CHD9: variants seen among roughly 807,000 people sequenced by gnomAD.
The protein encoded by CHD9 is chromodomain helicase DNA binding protein 9.
A neutral mutation model predicts 316.1 loss-of-function variants in CHD9; 77 were observed. The observed-to-expected ratio is 0.24, with a 90% CI of 0.20 to 0.29. The LOEUF (loss-of-function observed/expected upper bound fraction) is 0.29. Among genes scored for constraint, CHD9 ranks in the 10% least tolerant of loss-of-function variants. The probability of loss-of-function intolerance (pLI) is 1.00; values close to 1 mark genes in which losing one functional copy is unlikely to be tolerated. For synonymous variants in CHD9, 1,129 were observed against 1,158.3 expected (o/e 0.97, Z 0.51); for missense variants, 2,763 against 3,438.1 (o/e 0.80, Z 4.91).
At chr16:53,065,039 G>T (rs2033365013) in intron 1 of CHD9, among the ~76,000 whole-genome samples, 1 of 151,860 alleles carries the variant, frequency 6.6e-6, no homozygotes, top group African/African-American at 2.4e-5. Flanking sequence ...AAGGGGAGAA[G>T]CAACTGCAAA....
chr16:53,117,254 A>C lies in CHD9; in HGVS notation c.-164-38672A>C, dbSNP rs898855929. ...AAAATTTTTAAAAAAATTAAAAAAA[A>C]ATTTAGGAAGTCCTGTATGACACCA... On this transcript the variant is annotated intron_variant, in intron 1 of 38. Coordinates refer to ENST00000447540, the MANE Select transcript of CHD9 (RefSeq NM_001308319.2). Among the ~76,000 whole-genome samples, 9 of 152,306 alleles carry C rather than the reference A, an allele frequency of 5.9e-5. No individual in the cohort carries two copies. The South Asian group carries it at 1.2e-3, about 21-fold the overall frequency.
At chr16:53,184,524 T>C (rs1028611060) in intron 2 of CHD9, among the ~76,000 whole-genome samples, 5 of 152,018 alleles carry the variant, frequency 3.3e-5, no homozygotes, top group African/African-American at 1.2e-4. Flanking sequence ...TGTTTTTGTT[T>C]TGTAGACATG....
intron 2 of CHD9, among the ~76,000 whole-genome samples, chr16:53,184,296 A>G (rs1160459762): frequency 9.2e-5 from 14 of 152,130 alleles, no homozygotes; most frequent in Admixed American, 6.5e-5. Context: ...GAAAGGATAC[A>G]TATGTATGTG....
Position 53,286,360 on chromosome 16 carries a change from G to A in CHD9, c.5189+17G>A, listed in dbSNP as rs2053873923. The A allele has an allele frequency of 3.6e-6, 5 of 1,370,304 alleles. No homozygotes were observed. Among genetic ancestry groups the A allele is most frequent in the Non-Finnish European group, 5.2e-6 (5 of 960,680 alleles). 84.9% of individuals were successfully genotyped at this position (1,370,304 alleles called of 1,614,324 possible). On this transcript the variant is annotated intron_variant, in intron 26 of 38. Coordinates refer to ENST00000447540, the MANE Select transcript of CHD9 (RefSeq NM_001308319.2). ...TATGGATGGGTATGTGTGTTTCAGA[G>A]TCATGAATTTTCTATATATCTCTCT...
chr16:53,252,857 T>C (rs959594143), intron 17 of CHD9, among the ~76,000 whole-genome samples: 3 of 152,124 alleles, frequency 2.0e-5, no homozygotes, highest in Admixed American at 6.6e-5. Context: ...AATACCACTT[T>C]ACTCCTGCAA....
intron 1 of CHD9, among the ~76,000 whole-genome samples, chr16:53,151,155 T>G (rs1293393022): frequency 3.3e-5 from 5 of 151,952 alleles, no homozygotes; most frequent in Non-Finnish European, 7.4e-5. Flanking sequence ...TTCACTTTTC[T>G]TCTTCATTTT....
At chr16:53,269,104 G>A (rs1314425129) in intron 22 of CHD9, among the ~76,000 whole-genome samples, 1 of 152,016 alleles carries the variant, frequency 6.6e-6, no homozygotes, top group African/African-American at 2.4e-5. Flanking sequence ...ACCATGCCTG[G>A]CCTAAATTTT....
intron 20 of CHD9, among the ~76,000 whole-genome samples, chr16:53,264,121 G>A (rs1400640018): frequency 6.6e-6 from 1 of 152,010 alleles, no homozygotes; most frequent in African/African-American, 2.4e-5. Context: ...GTTGGGAGAT[G>A]TGTCCATTGG....
At chr16:53,320,820 A>C (rs1056917777) in intron 37 of CHD9, among the ~76,000 whole-genome samples, 1 of 152,140 alleles carries the variant, frequency 6.6e-6, no homozygotes, top group African/African-American at 2.4e-5. Context: ...AGATATATAC[A>C]ATTTTATACT....
At chr16:53,322,601 A>T (rs2057349407) in intron 38 of CHD9, among the ~76,000 whole-genome samples, 1 of 152,034 alleles carries the variant, frequency 6.6e-6, no homozygotes, top group South Asian at 2.1e-4. Context: ...TCAAAAAAAA[A>T]AAAAACATAT....
chr16:53,267,955 C>T lies in CHD9; in HGVS notation c.4546C>T (p.His1516Tyr), dbSNP rs2051859471. ...GGGCCGATGGAGAGAGATTCTATCT[C>T]ATGGCCGTTTCAAAAGGCAGCTAAA... ...GWGRWREILS[H>Y]GRFKRQLNEH... Residue 1516 changes from histidine (H) to tyrosine (Y), a missense_variant, in exon 22 of 39, where the codon CAT (histidine) becomes TAT (tyrosine). This residue lies in a region of CHD9 where 99 missense variants were observed against 131.6 expected (regional missense o/e 0.75). Transcript: ENST00000447540. The T allele has an allele frequency of 6.2e-7, 1 of 1,613,524 alleles. No homozygotes were observed. Among genetic ancestry groups the T allele is most frequent in the Non-Finnish European group, 8.5e-7 (1 of 1,179,642 alleles).
chr16:53,112,000 A>G (rs2037907208), intron 1 of CHD9, among the ~76,000 whole-genome samples: 1 of 152,246 alleles, frequency 6.6e-6, no homozygotes, highest in Admixed American at 6.5e-5. Flanking sequence ...AACTAAGTCT[A>G]GGTGAGGTTA....
rs541130557 is a variant in CHD9, at chr16:53,205,136, C to T, written c.1453-4346C>T. Among the ~76,000 whole-genome samples the T allele has an allele frequency of 7.2e-5, 11 of 152,168 alleles. No homozygotes were observed. In the East Asian group the frequency reaches 1.5e-3, roughly 21 times the overall value. On this transcript the variant is annotated intron_variant, in intron 2 of 38. Coordinates refer to ENST00000447540, the MANE Select transcript of CHD9 (RefSeq NM_001308319.2). ...GATTACAGGCATGAGCCACCGCGCC[C>T]GACCTATTATTTTAATCATACAAGC... is the stretch of plus-strand genomic sequence containing the variant.
Position 53,229,753 on chromosome 16 carries a change from C to G in CHD9, c.2286+653C>G, listed in dbSNP as rs375828546. Among the ~76,000 whole-genome samples, 61 of 152,292 alleles carry G rather than the reference C, an allele frequency of 4.0e-4. 1 individual carries two copies. The South Asian group carries it at 0.013, about 32-fold the overall frequency. On this transcript the variant is annotated intron_variant, in intron 8 of 38. Coordinates refer to ENST00000447540, the MANE Select transcript of CHD9 (RefSeq NM_001308319.2). ...TCATTTGTATTCATTCTGTCCCTCT[C>G]TCTGTCATACACACACGTATTTTTC...
chr16:53,108,473 C>T (rs2037546100), intron 1 of CHD9, among the ~76,000 whole-genome samples: 1 of 151,658 alleles, frequency 6.6e-6, no homozygotes, highest in Non-Finnish European at 1.5e-5. Flanking sequence ...CCAGTGCACT[C>T]CAGCCTGGAT....
At chr16:53,252,710 A>C (rs2050229274) in intron 17 of CHD9, among the ~76,000 whole-genome samples, 1 of 152,104 alleles carries the variant, frequency 6.6e-6, no homozygotes, top group Admixed American at 6.5e-5. Flanking sequence ...AAAAAAAAAA[A>C]AACAGTTCCA....
chr16:53,082,268 T>C (rs147613548), intron 1 of CHD9, among the ~76,000 whole-genome samples: 1,767 of 151,942 alleles, frequency 0.012, 35 homozygotes, highest in African/African-American at 0.04. Context: ...GTCAGCATCT[T>C]GCCCTGTCAT....
chr16:53,100,962 T>C (rs1288629595), intron 1 of CHD9, among the ~76,000 whole-genome samples: 1 of 152,218 alleles, frequency 6.6e-6, no homozygotes, highest in African/African-American at 2.4e-5. Flanking sequence ...ATATAATATT[T>C]TCTCTAGATG....
At chr16:53,268,160 A>AT in intron 22 of CHD9, 34 bp downstream of exon 22, 1 of 1,404,766 alleles carries the variant, frequency 7.1e-7, no homozygotes, top group Non-Finnish European at 9.8e-7. Context: ...TTTAAAATTT[A>AT]TTTTTAGTTA....
Sources: allele counts gnomAD v4.1 joint callset (sites outside exome capture counted in the v4.1 genomes callset), GRCh38; gene constraint gnomAD v4.1.1; regional missense constraint gnomAD v4.1.1; transcripts MANE v1.5; gene names NCBI Gene and HGNC (gene_info 2026-07-23, HGNC 2026-07-21).